The following METTL14 variants were observed in gnomAD, a reference collection of about 807,000 sequenced individuals.
METTL14 encodes methyltransferase 14, N6-adenosine-methyltransferase non-catalytic subunit, also known as N(6)-adenosine-methyltransferase non-catalytic subunit METTL14.
In METTL14, 32 loss-of-function variants were observed where a neutral mutation model predicts 62.4. The ratio of observed to expected loss-of-function variants is 0.51; its 90% CI spans 0.39 to 0.69. The LOEUF (loss-of-function observed/expected upper bound fraction) is 0.69. Ranked by LOEUF, METTL14 falls within the 30% of genes least tolerant of loss-of-function variation. The pLI, the probability that METTL14 is intolerant of heterozygous loss-of-function variation, is 0.00. For missense variants in METTL14, 340 were observed against 551.9 expected (o/e 0.62, Z 3.85); for synonymous variants, 150 against 180.0 (o/e 0.83, Z 1.34).
chr4:118,686,994 A>C (rs1301578344), intron 1 of METTL14, among the ~76,000 whole-genome samples: 1 of 152,248 alleles, frequency 6.6e-6, no homozygotes, highest in East Asian at 1.9e-4. Flanking sequence ...TGTGTCTATA[A>C]ATAGTAAGAC....
chr4:118,705,189 A>G (rs895441090), intron 9 of METTL14, among the ~76,000 whole-genome samples: 1 of 152,142 alleles, frequency 6.6e-6, no homozygotes, highest in Non-Finnish European at 1.5e-5. Context: ...ATAGAACTGT[A>G]TCTCACCAGA....
intron 7 of METTL14, among the ~76,000 whole-genome samples, chr4:118,698,803 G>A (rs538777087): frequency 1.6e-4 from 24 of 152,144 alleles, no homozygotes; most frequent in African/African-American, 4.8e-4. Context: ...GAGGTCATAG[G>A]AATAAAATAT....
intron 2 of METTL14, among the ~76,000 whole-genome samples, chr4:118,688,764 C>G (rs1724153712): frequency 6.6e-6 from 1 of 152,144 alleles, no homozygotes; most frequent in South Asian, 2.1e-4. Context: ...ACCTCCGCCT[C>G]CAGGGTTGAA....
intron 9 of METTL14, among the ~76,000 whole-genome samples, chr4:118,705,355 G>T (rs1020119975): frequency 6.6e-6 from 1 of 152,024 alleles, no homozygotes; most frequent in African/African-American, 2.4e-5. Flanking sequence ...TGTTCCTGTG[G>T]TCCCAGCTAC....
chr4:118,689,075 G>T (rs145903548), intron 2 of METTL14, among the ~76,000 whole-genome samples: 1 of 152,114 alleles, frequency 6.6e-6, no homozygotes, highest in South Asian at 2.1e-4. Context: ...TTTTCAATTT[G>T]TACGTCTGTT....
At chr4:118,685,804 G>T (rs370445390) in intron 1 of METTL14, among the ~76,000 whole-genome samples, 1 of 152,076 alleles carries the variant, frequency 6.6e-6, no homozygotes, top group Non-Finnish European at 1.5e-5. Flanking sequence ...TCCTTCCGCG[G>T]TCTTTGTGGT....
chr4:118,699,913 G>T (rs1040177812), intron 7 of METTL14, among the ~76,000 whole-genome samples: 2 of 152,042 alleles, frequency 1.3e-5, no homozygotes, highest in Non-Finnish European at 2.9e-5. Flanking sequence ...AAAATGTTTG[G>T]GTTTCACAGG....
Position 118,704,068 on chromosome 4 carries a change from T to G in METTL14, c.855+17T>G, listed in dbSNP as rs1356365194. 6.9e-7 allele frequency: 1 copy of G among 1,444,702 alleles called. No homozygotes were observed. Among genetic ancestry groups the G allele is most frequent in the Non-Finnish European group, 9.5e-7 (1 of 1,052,172 alleles). The allele number at this position is 1,444,702 out of a possible 1,614,324, so 89.5% of individuals were successfully genotyped here. A position where few individuals can be genotyped will look rare whatever the true frequency, so the allele number is the denominator to read the frequency against. The stretch of plus-strand genomic sequence containing the variant: ...AGAACAAAGGTATTGCCTTTACTGA[T>G]TTGTTTTTTTTAATTTTTGTGATTT... On this transcript the variant is annotated intron_variant, in intron 9 of 10. Transcript: ENST00000388822.
rs748855002 is a variant in METTL14 at position 118,704,099 on chromosome 4, C to T, written c.855+48C>T. Reference sequence around the variant, plus strand: ...TTTTTTAATTTTTGTGATTTTCTCTCAAGCTTTTCCAAATAACTGTATACT... The same window carrying T: ...TTTTTTAATTTTTGTGATTTTCTCTTAAGCTTTTCCAAATAACTGTATACT... On this transcript the variant is annotated intron_variant, in intron 9 of 10. Coordinates refer to ENST00000388822, the MANE Select transcript of METTL14 (RefSeq NM_020961.4). The T allele has an allele frequency of 7.0e-6, 8 of 1,136,942 alleles. No homozygotes were observed. In the South Asian group the frequency reaches 9.8e-5, roughly 14 times the overall value. 70.4% of individuals were successfully genotyped at this position (1,136,942 alleles called of 1,614,324 possible). A position where few individuals can be genotyped will look rare whatever the true frequency, so the allele number is the denominator to read the frequency against.
intron 9 of METTL14, among the ~76,000 whole-genome samples, chr4:118,704,917 T>G (rs1243497239): frequency 6.6e-6 from 1 of 152,138 alleles, no homozygotes; most frequent in East Asian, 1.9e-4. Flanking sequence ...TATCTGAAGG[T>G]GGGGCATTCA....
In METTL14 at chr4:118,713,511, C is replaced by A. The variant is rs1287242510; in HGVS notation, c.*3209C>A. On this transcript the variant is annotated 3_prime_UTR_variant, in exon 11 of 11. Coordinates refer to ENST00000388822, the MANE Select transcript of METTL14 (RefSeq NM_020961.4). ...ACTTTACTAATTTGTTTAATATAAT[C>A]CTTATTAACATGACAAAATGAAAGC... The A allele has an allele frequency of 1.3e-5, 2 of 152,130 alleles. No homozygotes were observed. Among genetic ancestry groups the A allele is most frequent in the African/African-American group, 2.4e-5 (1 of 41,402 alleles). The allele number at this position is 152,130 out of a possible 1,614,324, so 9.4% of individuals were successfully genotyped here.
rs1000959954 is a variant in METTL14 at position 118,711,555 on chromosome 4, C to T, written c.*1253C>T. 9.2e-5 allele frequency: 14 copies of T among 151,984 alleles called. No individual in the cohort carries two copies. Among genetic ancestry groups the T allele is most frequent in the African/African-American group, 2.2e-4 (9 of 41,356 alleles). 9.4% of individuals were successfully genotyped at this position (151,984 alleles called of 1,614,324 possible). A position where few individuals can be genotyped will look rare whatever the true frequency, so the allele number is the denominator to read the frequency against. ...TTGGTCTGTGATGGATTTTAATGGCCGTTCTGTGCTCATATATACCTAAGA... is the reference window on the plus strand; with the variant it reads ...TTGGTCTGTGATGGATTTTAATGGCTGTTCTGTGCTCATATATACCTAAGA... On this transcript the variant is annotated 3_prime_UTR_variant, in exon 11 of 11. Transcript: ENST00000388822.
In METTL14 at chr4:118,694,435, G is replaced by C; in HGVS notation, c.413-1G>C. 1 of 1,610,352 alleles carries C rather than the reference G, an allele frequency of 6.2e-7. No individual in the cohort carries two copies. Among genetic ancestry groups the C allele is most frequent in the Non-Finnish European group, 8.5e-7 (1 of 1,178,426 alleles). Reference sequence around the variant, plus strand: ...CAGAATTTACTATTTTTTCTGCTCAGGTTTAGCTGACAGATTTGAAGAATA... The same window carrying C: ...CAGAATTTACTATTTTTTCTGCTCACGTTTAGCTGACAGATTTGAAGAATA... On this transcript the variant is annotated splice_acceptor_variant, in intron 5 of 10. Transcript: ENST00000388822. LOFTEE classifies it high-confidence loss of function.
In METTL14 at chr4:118,715,026, G is replaced by A. The variant is rs1725012309; in HGVS notation, c.*4724G>A. The A allele has an allele frequency of 6.6e-6, 1 of 152,214 alleles. No homozygotes were observed. The highest frequency in any genetic ancestry group is 1.5e-5 in the Non-Finnish European group (1 of 68,038). 9.4% of individuals were successfully genotyped at this position (152,214 alleles called of 1,614,324 possible). ...GCATATTAAGTAGTTGGCTTACTTT[G>A]GAACACACAGTAGACTGAAAATGTG... On this transcript the variant is annotated 3_prime_UTR_variant, in exon 11 of 11. Coordinates refer to ENST00000388822, the MANE Select transcript of METTL14 (RefSeq NM_020961.4).
In METTL14 at chr4:118,710,075, A is replaced by C. The variant is rs1415076610; in HGVS notation, c.1144A>C (p.Asn382His). ...ATATGCATCCTATTTCAGTGCTCCT[A>C]ATTCCTACTTGACTGGTTGTACAGA... is the stretch of plus-strand genomic sequence containing the variant. ...ETYASYFSAPNSYLTGCTEEI... is the reference protein window; with the variant it reads ...ETYASYFSAPHSYLTGCTEEI... Residue 382 changes from asparagine to histidine, a missense_variant, in exon 11 of 11, where the codon AAT becomes CAT. This residue lies in a region of METTL14 where 62 missense variants were observed against 82.3 expected (regional missense o/e 0.75). Coordinates refer to ENST00000388822, the MANE Select transcript of METTL14 (RefSeq NM_020961.4). 4 of 1,614,214 alleles carry C rather than the reference A, an allele frequency of 2.5e-6. 1 individual carries two copies. The South Asian group carries it at 4.4e-5, about 18-fold the overall frequency.
At position 118,710,246 on chromosome 4, in the gene METTL14, G is replaced by A; in HGVS notation, c.1315G>A (p.Gly439Ser). 1 of 1,614,168 alleles carries A rather than the reference G, an allele frequency of 6.2e-7. No individual in the cohort carries two copies. The highest frequency in any genetic ancestry group is 8.5e-7 in the Non-Finnish European group (1 of 1,180,030). Residue 439 changes from glycine to serine, a missense_variant, in exon 11 of 11, where the codon GGT (glycine) becomes AGT (serine). This residue lies in a region of METTL14 where 44 missense variants were observed against 56.4 expected (regional missense o/e 0.78). Transcript: ENST00000388822. ...RNRSNFRGER[G>S]GFRGGRGGAH... ...TAGATCTAACTTCCGAGGAGAAAGA[G>A]GTGGCTTTAGAGGGGGCCGTGGAGG... is the stretch of plus-strand genomic sequence containing the variant.
intron 2 of METTL14, among the ~76,000 whole-genome samples, chr4:118,688,329 CGG>C (rs1380032704): frequency 1.3e-5 from 2 of 151,606 alleles, no homozygotes; most frequent in Non-Finnish European, 2.9e-5. Context: ...CCCCGCTACT[CGG>C]GAGCCTTAGG....
chr4:118,687,884 G>A (rs9968326), intron 1 of METTL14, 39 bp from the exon 2 acceptor site: 1,561,361 of 1,567,232 alleles, frequency 1, 777,897 homozygotes, highest in East Asian at 1. Flanking sequence ...AGGCTATCCA[G>A]TGCATTGCAA....
intron 3 of METTL14, among the ~76,000 whole-genome samples, chr4:118,689,989 A>T: frequency 6.9e-6 from 1 of 145,488 alleles, no homozygotes; most frequent in Admixed American, 7.0e-5. Context: ...GGTTATATAT[A>T]TGAGGCACTT....
Sources: gnomAD v4.1 joint callset for allele counts (sites outside exome capture counted in the v4.1 genomes callset) on GRCh38, gnomAD v4.1.1 for gene constraint, gnomAD v4.1.1 regional missense constraint, MANE v1.5 for transcripts, NCBI Gene and HGNC (gene_info 2026-07-23, HGNC 2026-07-21) for gene names.